Variants in COL9A1 observed in about 807,000 individuals in gnomAD.
COL9A1 encodes the protein collagen type IX alpha 1 chain.
COL9A1 carries 104 observed loss-of-function variants against 142.6 expected under a neutral mutation model. The ratio of observed to expected loss-of-function variants is 0.73; its 90% CI spans 0.62 to 0.86. The LOEUF (loss-of-function observed/expected upper bound fraction) is 0.86. Ranked by LOEUF, COL9A1 falls within the 40% of genes least tolerant of loss-of-function variation. COL9A1 has a pLI of 0.00. For synonymous variants in COL9A1, 466 were observed against 396.0 expected (o/e 1.18, Z -2.10); for missense variants, 1,210 against 1,176.6 (o/e 1.03, Z -0.42).
intron 4 of COL9A1, among the ~76,000 whole-genome samples, chr6:70,297,953 G>A (rs768087273): frequency 4.6e-5 from 7 of 152,038 alleles, no homozygotes; most frequent in Non-Finnish European, 7.4e-5. Context: ...TCCATATACC[G>A]TAATATTTTC....
intron 6 of COL9A1, chr6:70,283,319 C>A: frequency 8.2e-7 from 1 of 1,220,096 alleles, no homozygotes; most frequent in Non-Finnish European, 1.1e-6. Flanking sequence ...CCTTCCCTGC[C>A]GCCGCACAGG....
At chr6:70,224,485 T>A (rs1769100081) in intron 37 of COL9A1, among the ~76,000 whole-genome samples, 1 of 152,236 alleles carries the variant, frequency 6.6e-6, no homozygotes, top group East Asian at 1.9e-4. Context: ...AAGGAAAATG[T>A]TGCCAATAGT....
At chr6:70,287,623 C>T (rs1278327199) in intron 5 of COL9A1, among the ~76,000 whole-genome samples, 1 of 147,086 alleles carries the variant, frequency 6.8e-6, no homozygotes, top group Non-Finnish European at 1.5e-5. Context: ...CAACTACTGT[C>T]TCCAATTCTT....
chr6:70,231,681 C>T (rs1290912464), intron 36 of COL9A1, among the ~76,000 whole-genome samples: 3 of 150,832 alleles, frequency 2.0e-5, no homozygotes, highest in African/African-American at 7.3e-5. Flanking sequence ...ATTCATACCA[C>T]AGTATTTATC....
At chr6:70,260,771 C>T in intron 19 of COL9A1, 61 bp from the exon 20 acceptor site, 1 of 1,537,534 alleles carries the variant, frequency 6.5e-7, no homozygotes, top group Non-Finnish European at 9.0e-7. Context: ...TTAAAAATCT[C>T]ATCACAAAAG....
At chr6:70,224,933 G>A (rs1583204337) in intron 37 of COL9A1, among the ~76,000 whole-genome samples, 1 of 152,226 alleles carries the variant, frequency 6.6e-6, no homozygotes, top group Non-Finnish European at 1.5e-5. Flanking sequence ...ACAATCCCCA[G>A]AAGCAATGAA....
At chr6:70,217,180 C>CA (rs1768574945) in intron 37 of COL9A1, 99 bp from the exon 38 acceptor site, 1 of 1,197,310 alleles carries the variant, frequency 8.4e-7, no homozygotes, top group East Asian at 2.4e-5. Context: ...AGGGGTTTAA[C>CA]AAACGCTTTT....
intron 20 of COL9A1, among the ~76,000 whole-genome samples, chr6:70,257,650 A>C (rs1380393492): frequency 6.6e-6 from 1 of 152,160 alleles, no homozygotes; most frequent in Admixed American, 6.5e-5. Flanking sequence ...AGGAGGCTAG[A>C]GCAAGAGAAT....
At chr6:70,273,629 C>T (rs1772547559) in intron 12 of COL9A1, among the ~76,000 whole-genome samples, 1 of 152,032 alleles carries the variant, frequency 6.6e-6, no homozygotes, top group African/African-American at 2.4e-5. Context: ...GTGATAATAT[C>T]TGATTAGTCG....
At chr6:70,239,158 T>A in intron 33 of COL9A1, 96 bp downstream of exon 33, 1 of 857,884 alleles carries the variant, frequency 1.2e-6, no homozygotes. Context: ...AAGAATTGAA[T>A]GTTACATAAT....
chr6:70,286,566 T>A lies in COL9A1; in HGVS notation c.697-2746A>T, dbSNP rs115833967. Among the ~76,000 whole-genome samples, 163 of 152,332 alleles carry A rather than the reference T, an allele frequency of 1.1e-3. 1 individual carries two copies. The highest frequency in any genetic ancestry group is 3.6e-3 in the African/African-American group (149 of 41,582). On this transcript the variant is annotated intron_variant, in intron 5 of 37. Transcript: ENST00000357250. The stretch of plus-strand genomic sequence containing the variant: ...GCTCTTTAATAGGACAGATGTTTCA[T>A]TAAGCTTTTGTCTTCAGTGACAACA...
Position 70,241,593 on chromosome 6 carries a change from C to A in COL9A1, c.1999-139G>T, listed in dbSNP as rs2127565476. 2.7e-5 allele frequency: 20 copies of A among 748,018 alleles called. 1 individual carries two copies. In the South Asian group the frequency reaches 3.2e-4, roughly 12 times the overall value. The allele number at this position is 748,018 out of a possible 1,614,324, so 46.3% of individuals were successfully genotyped here. A position where few individuals can be genotyped will look rare whatever the true frequency, so the allele number is the denominator to read the frequency against. On this transcript the variant is annotated intron_variant, in intron 30 of 37. Transcript: ENST00000357250. ...GACGTTCCCACTCCTCACCACCCAA[C>A]AAGAATCAGGACCAAAACATAAGTT...
chr6:70,280,877 G>T lies in COL9A1; in HGVS notation c.913-3C>A, dbSNP rs774820541. On this transcript the variant is annotated splice_region_variant and splice_polypyrimidine_tract_variant and intron_variant, in intron 9 of 37. Transcript: ENST00000357250. ...TTTCCCGGTTCACCTGCAGGACCCT[G>T]AGCAGGGGCAGAAGGGTGCGGGGGC... 1 of 1,613,556 alleles carries T rather than the reference G, an allele frequency of 6.2e-7. No individual in the cohort carries two copies. The highest frequency in any genetic ancestry group is 8.5e-7 in the Non-Finnish European group (1 of 1,179,888).
intron 20 of COL9A1, among the ~76,000 whole-genome samples, chr6:70,259,672 C>T (rs1038090971): frequency 3.9e-5 from 6 of 152,128 alleles, no homozygotes; most frequent in African/African-American, 9.7e-5. Flanking sequence ...GCCCTGCTTC[C>T]GCTCCACTCC....
At chr6:70,218,574 C>T (rs1011434427) in intron 37 of COL9A1, among the ~76,000 whole-genome samples, 12 of 152,184 alleles carry the variant, frequency 7.9e-5, no homozygotes, top group African/African-American at 2.7e-4. Flanking sequence ...TTAACCTGGT[C>T]TTTCAGCCAA....
intron 21 of COL9A1, among the ~76,000 whole-genome samples, chr6:70,255,597 G>T (rs1429479784): frequency 6.6e-6 from 1 of 152,264 alleles, no homozygotes; most frequent in African/African-American, 2.4e-5. Flanking sequence ...ACTGACACTT[G>T]ATGGTCTTTT....
In COL9A1 at chr6:70,251,598, G is replaced by C. The variant is rs368489635; in HGVS notation, c.1872+522C>G. On this transcript the variant is annotated intron_variant, in intron 28 of 37. Coordinates refer to ENST00000357250, the MANE Select transcript of COL9A1 (RefSeq NM_001851.6). ...AAAACAAAAAGCTCACATATTGTAT[G>C]ATTCCATTTTTATGAAACTTCCAGA... Among the ~76,000 whole-genome samples the C allele has an allele frequency of 3.9e-5, 6 of 152,320 alleles. No individual in the cohort carries two copies. The East Asian group carries it at 1.2e-3, about 29-fold the overall frequency.
Position 70,268,815 on chromosome 6 carries a change from G to T in COL9A1, c.1276C>A (p.Pro426Thr), listed in dbSNP as rs1398909340. Residue 426 changes from proline to threonine, a missense_variant, in exon 17 of 38, where the codon CCA becomes ACA. By Grantham distance (38) the Pro-to-Thr change is conservative (BLOSUM62 -1). Coordinates refer to ENST00000357250, the MANE Select transcript of COL9A1 (RefSeq NM_001851.6). Reference protein sequence around the residue: ...PPGRSGYPGLPGMRGHKGAKG... With the variant: ...PPGRSGYPGLTGMRGHKGAKG... ...AGTTATTCTCTTACCCTCATGCCTGGTAGGCCTGGATATCCTGAGCGACCT... is the reference window on the plus strand; with the variant it reads ...AGTTATTCTCTTACCCTCATGCCTGTTAGGCCTGGATATCCTGAGCGACCT... 6.2e-7 allele frequency: 1 copy of T among 1,613,442 alleles called. No homozygotes were observed. Among genetic ancestry groups the T allele is most frequent in the Admixed American group, 1.7e-5 (1 of 59,990 alleles).
In COL9A1 at chr6:70,216,948, G is replaced by A; in HGVS notation, c.2715C>T (p.Ser905=). 1.2e-6 allele frequency: 2 copies of A among 1,614,176 alleles called. No homozygotes were observed. Among genetic ancestry groups the A allele is most frequent in the African/African-American group, 1.3e-5 (1 of 75,048 alleles). The change falls in exon 38 of 38, where the codon TCC becomes TCT. Residue 905 remains serine, a synonymous_variant. Coordinates refer to ENST00000357250, the MANE Select transcript of COL9A1 (RefSeq NM_001851.6). ...PGLPGFCEPA[S]CTMQAGQRAF... ...CTCGCTGACCAGCCTGCATGGTGCA[G>A]GAGGCTGGCTCACAGAAACCGGGAA...
Sources: allele counts gnomAD v4.1 joint callset (sites outside exome capture counted in the v4.1 genomes callset), GRCh38; gene constraint gnomAD v4.1.1; transcripts MANE v1.5; gene names NCBI Gene and HGNC (gene_info 2026-07-23, HGNC 2026-07-21).